The following PRH1 variants were observed in gnomAD, a reference collection of about 807,000 sequenced individuals.
PRH1 encodes the protein proline rich protein HaeIII subfamily 1.
In PRH1, 7 loss-of-function variants were observed where a neutral mutation model predicts 7.9. The ratio of observed to expected loss-of-function variants is 0.89; its 90% confidence interval spans 0.50 to 1.67. PRH1 has a LOEUF of 1.67. PRH1 is among the 40% of genes most tolerant of loss of function. The pLI is 0.00. For missense variants in PRH1, 109 were observed against 223.6 expected (o/e 0.49, Z 3.27); for synonymous variants, 45 against 80.8 (o/e 0.56, Z 2.38).
chr12:11,137,489 T>C (rs1314842436), intron 1 of PRH1, among the ~76,000 whole-genome samples: 1 of 152,230 alleles, frequency 6.6e-6, no homozygotes, highest in African/African-American at 2.4e-5. Flanking sequence ...TTTGACAATC[T>C]GGTCCTAAAA....
At chr12:10,978,071 T>C (rs1180271047) in intron 1 of PRH1, among the ~76,000 whole-genome samples, 1 of 129,282 alleles carries the variant, frequency 7.7e-6, no homozygotes, top group South Asian at 2.3e-4. Context: ...TTAAAGTTCA[T>C]ATGGAATAAA....
At chr12:10,986,431 G>T (rs1207334701) in intron 1 of PRH1, 1 of 1,614,008 alleles carries the variant, frequency 6.2e-7, no homozygotes, top group Middle Eastern at 1.6e-4. Context: ...GCCACAAGAA[G>T]ATGACAAACC....
chr12:11,147,202 G>C (rs973655252), intron 1 of PRH1, among the ~76,000 whole-genome samples: 44 of 152,108 alleles, frequency 2.9e-4, no homozygotes, highest in African/African-American at 1.0e-3. Context: ...TTCATGTATT[G>C]TTTTTGAAAC....
At chr12:10,911,791 A>C (rs1236599681) in intron 2 of PRH1, among the ~76,000 whole-genome samples, 10 of 152,182 alleles carry the variant, frequency 6.6e-5, no homozygotes. Flanking sequence ...TGAAGTTTAA[A>C]TGCTATAGTA....
chr12:10,937,921 C>T, intron 2 of PRH1: 1 of 186,756 alleles, frequency 5.4e-6, no homozygotes, highest in East Asian at 1.3e-4. Context: ...GTTTAAGAAG[C>T]CTATTTTTAG....
At chr12:10,976,939 A>G (rs1274862520) in intron 1 of PRH1, among the ~76,000 whole-genome samples, 2 of 152,148 alleles carry the variant, frequency 1.3e-5, no homozygotes, top group Non-Finnish European at 2.9e-5. Context: ...TGCCAACCAA[A>G]AAAAGCCCAG....
At chr12:11,047,515 C>CAA (rs35592412), upstream of PRH1, among the ~76,000 whole-genome samples, 1,269 of 84,808 alleles carry the variant, frequency 0.015, 15 homozygotes, top group African/African-American at 0.037. Flanking sequence ...ATGTCAATTT[C>CAA]AAAAAAAAAA....
At chr12:10,990,862 A>G (rs999594404) in intron 1 of PRH1, among the ~76,000 whole-genome samples, 3 of 152,224 alleles carry the variant, frequency 2.0e-5, no homozygotes, top group African/African-American at 7.2e-5. Context: ...GAGTTCTGAA[A>G]GAGAGAAAAT....
intron 1 of PRH1, among the ~76,000 whole-genome samples, chr12:10,973,880 G>A (rs553671557): frequency 3.9e-5 from 6 of 152,170 alleles, no homozygotes; most frequent in African/African-American, 7.2e-5. Context: ...AAATTCTGGC[G>A]GGCTTTTTTG....
chr12:11,113,665 C>G (rs967912457), intron 1 of PRH1, among the ~76,000 whole-genome samples: 6 of 152,178 alleles, frequency 3.9e-5, no homozygotes, highest in Admixed American at 2.0e-4. Context: ...GCAAAGACTT[C>G]ATGACTGAAA....
chr12:10,928,671 T>C (rs6488330), intron 2 of PRH1, among the ~76,000 whole-genome samples: 77,729 of 152,130 alleles, frequency 0.51, 21,571 homozygotes, highest in East Asian at 0.72. Context: ...CCTTCTGTCA[T>C]CTATGTGTAC....
At chr12:10,943,425 T>G (rs1950435076) in intron 2 of PRH1, among the ~76,000 whole-genome samples, 1 of 152,184 alleles carries the variant, frequency 6.6e-6, no homozygotes, top group Non-Finnish European at 1.5e-5. Context: ...TTAATGTGGT[T>G]GTTTTTCTCT....
intron 2 of PRH1, among the ~76,000 whole-genome samples, chr12:10,949,772 G>A (rs1950541728): frequency 6.6e-6 from 1 of 151,796 alleles, no homozygotes; most frequent in African/African-American, 2.4e-5. Context: ...ACTACATCTT[G>A]GCCAAAAAAT....
intron 1 of PRH1, chr12:11,022,168 C>T: frequency 6.2e-7 from 1 of 1,613,958 alleles, no homozygotes; most frequent in Non-Finnish European, 8.5e-7. Flanking sequence ...TACCAAGGGC[C>T]CCAACAGTAT....
chr12:10,998,223 T>C (rs1940400659), intron 1 of PRH1, among the ~76,000 whole-genome samples: 2 of 152,324 alleles, frequency 1.3e-5, no homozygotes, highest in African/African-American at 2.4e-5. Flanking sequence ...TCCTCTTTCA[T>C]TGCTTTGCAA....
chr12:10,949,171 T>C (rs118123467), intron 2 of PRH1, among the ~76,000 whole-genome samples: 1 of 152,194 alleles, frequency 6.6e-6, no homozygotes, highest in South Asian at 2.1e-4. Flanking sequence ...TTAGTAGTGG[T>C]TGTGGCCAAG....
chr12:11,124,726 A>C (rs1182930046), intron 1 of PRH1, among the ~76,000 whole-genome samples: 1 of 152,258 alleles, frequency 6.6e-6, no homozygotes, highest in African/African-American at 2.4e-5. Flanking sequence ...GATTATAATA[A>C]TGATGATAAT....
At chr12:11,086,452 T>C (rs1249878329) in intron 1 of PRH1, among the ~76,000 whole-genome samples, 3 of 148,282 alleles carry the variant, frequency 2.0e-5, no homozygotes, top group Admixed American at 6.8e-5. Flanking sequence ...AAAATCAGTC[T>C]CCAATCTTGG....
chr12:11,153,816 G>A (rs1030605479), intron 1 of PRH1, among the ~76,000 whole-genome samples: 4 of 152,030 alleles, frequency 2.6e-5, no homozygotes, highest in African/African-American at 4.8e-5. Context: ...ACACACACCT[G>A]AGATATATGA....
Sources: gnomAD v4.1 joint callset for allele counts (sites outside exome capture counted in the v4.1 genomes callset) on GRCh38, gnomAD v4.1.1 for gene constraint, MANE v1.5 for transcripts, NCBI Gene and HGNC (gene_info 2026-07-23, HGNC 2026-07-21) for gene names.